Variants in TGFBR3 observed in about 807,000 individuals in gnomAD.
TGFBR3 encodes transforming growth factor beta receptor type 3.
Under a neutral mutation model 87.9 loss-of-function variants are expected in TGFBR3, and 46 were observed. The ratio of observed to expected loss-of-function variants is 0.52; its 90% CI spans 0.41 to 0.67. The LOEUF (loss-of-function observed/expected upper bound fraction) is 0.67. Among genes scored for constraint, TGFBR3 ranks in the 30% least tolerant of loss-of-function variants. TGFBR3 has a pLI of 0.00. For missense variants in TGFBR3, 866 were observed against 1,041.9 expected, an observed-to-expected ratio of 0.83 and a Z score of 2.32; for synonymous variants, 381 against 391.6, an observed-to-expected ratio of 0.97 and a Z score of 0.32.
At chr1:91,777,048 A>G (rs1674590539) in intron 3 of TGFBR3, among the ~76,000 whole-genome samples, 1 of 152,140 alleles carries the variant, frequency 6.6e-6, no homozygotes. Flanking sequence ...CAAAAACTCA[A>G]TCACCTGTGC....
At chr1:91,902,952 A>G (rs1679764154) in intron 1 of TGFBR3, among the ~76,000 whole-genome samples, 3 of 151,644 alleles carry the variant, frequency 2.0e-5, no homozygotes, top group Admixed American at 6.6e-5. Flanking sequence ...GATCTTCTAA[A>G]ACCACTGGGT....
chr1:91,700,031 A>C (rs1240726744), intron 14 of TGFBR3, among the ~76,000 whole-genome samples: 1 of 152,194 alleles, frequency 6.6e-6, no homozygotes, highest in Non-Finnish European at 1.5e-5. Flanking sequence ...ATTCAAATTG[A>C]CTCCATAAAT....
chr1:91,702,138 C>T (rs1671640610), intron 14 of TGFBR3, among the ~76,000 whole-genome samples: 2 of 152,206 alleles, frequency 1.3e-5, no homozygotes, highest in East Asian at 3.9e-4. Flanking sequence ...ACAGGCAGCC[C>T]CCCAACTACA....
intron 2 of TGFBR3, among the ~76,000 whole-genome samples, chr1:91,842,299 G>C (rs908792152): frequency 1.3e-5 from 2 of 152,148 alleles, no homozygotes; most frequent in African/African-American, 4.8e-5. Context: ...AGGAGTTTCT[G>C]TGGTTAGAGA....
At chr1:91,804,317 C>T (rs867056925) in intron 2 of TGFBR3, among the ~76,000 whole-genome samples, 3 of 152,144 alleles carry the variant, frequency 2.0e-5, no homozygotes, top group Non-Finnish European at 2.9e-5. Flanking sequence ...CTTCTCTTCC[C>T]GGACACTCTT....
intron 13 of TGFBR3, among the ~76,000 whole-genome samples, chr1:91,709,700 C>T (rs1222061992): frequency 1.3e-5 from 2 of 152,204 alleles, no homozygotes; most frequent in Non-Finnish European, 2.9e-5. Context: ...AATATGATCA[C>T]ACTCCGCACT....
chr1:91,753,389 T>TAAA (rs1673623637), intron 4 of TGFBR3, among the ~76,000 whole-genome samples: 1 of 22,904 alleles, frequency 4.4e-5, no homozygotes, highest in Non-Finnish European at 7.1e-5. Flanking sequence ...GACTCTGTCC[T>TAAA]CAAAAAAAAA....
At chr1:91,854,476 G>C (rs1677862040) in intron 2 of TGFBR3, among the ~76,000 whole-genome samples, 3 of 152,126 alleles carry the variant, frequency 2.0e-5, no homozygotes, top group Admixed American at 1.3e-4. Flanking sequence ...CCAGCTTGGA[G>C]CTGCCAAAGA....
intron 3 of TGFBR3, among the ~76,000 whole-genome samples, chr1:91,793,907 T>C (rs987116458): frequency 6.6e-6 from 1 of 151,754 alleles, no homozygotes; most frequent in African/African-American, 2.4e-5. Context: ...ATTTTTAGCA[T>C]AGACCATATC....
chr1:91,788,298 G>A (rs945237272), intron 3 of TGFBR3, among the ~76,000 whole-genome samples: 2 of 152,160 alleles, frequency 1.3e-5, no homozygotes, highest in African/African-American at 4.8e-5. Flanking sequence ...TTGTTCAAAG[G>A]GGCATCATCA....
intron 2 of TGFBR3, among the ~76,000 whole-genome samples, chr1:91,897,266 T>C (rs908089132): frequency 6.6e-6 from 1 of 152,210 alleles, no homozygotes; most frequent in Non-Finnish European, 1.5e-5. Context: ...TGGGTATTTA[T>C]GTGGCAAAGG....
chr1:91,748,155 C>G (rs1270166290), intron 4 of TGFBR3, among the ~76,000 whole-genome samples: 1 of 152,192 alleles, frequency 6.6e-6, no homozygotes, highest in Non-Finnish European at 1.5e-5. Context: ...CCCGAAATAA[C>G]TGTGGTTGGA....
At position 91,683,851 on chromosome 1, in the gene TGFBR3, G is replaced by A; in HGVS notation, c.2444C>T (p.Thr815Ile). 1 of 1,600,238 alleles carries A rather than the reference G, an allele frequency of 6.2e-7. No individual in the cohort carries two copies. The highest frequency in any genetic ancestry group is 8.5e-7 in the Non-Finnish European group (1 of 1,173,250). Residue 815 changes from threonine (T) to isoleucine (I), a missense_variant, in exon 17 of 17, where the codon ACA (threonine) becomes ATA (isoleucine). By Grantham distance (89) the Thr-to-Ile change is moderately conservative. Coordinates refer to ENST00000212355, the MANE Select transcript of TGFBR3 (RefSeq NM_003243.5). ...GGTGGGGACTTGCTGCCTTCCTGCTGTCTCCCCTGCAGTTAATAAAGAAAA... is the reference window on the plus strand; with the variant it reads ...GGTGGGGACTTGCTGCCTTCCTGCTATCTCCCCTGCAGTTAATAAAGAAAA... ...LWYIYSHTGETAGRQQVPTSP... is the reference protein window; with the variant it reads ...LWYIYSHTGEIAGRQQVPTSP...
chr1:91,709,081 CAG>C (rs1358512698), intron 13 of TGFBR3, among the ~76,000 whole-genome samples: 1 of 152,104 alleles, frequency 6.6e-6, no homozygotes, highest in East Asian at 1.9e-4. Flanking sequence ...GTTTGAAAAA[CAG>C]AAAAACTATA....
intron 4 of TGFBR3, among the ~76,000 whole-genome samples, chr1:91,742,813 G>A (rs1673202098): frequency 6.6e-6 from 1 of 152,044 alleles, no homozygotes; most frequent in Non-Finnish European, 1.5e-5. Context: ...CTTGAACCAT[G>A]CACAACATTT....
chr1:91,726,323 G>A (rs986090337), intron 7 of TGFBR3, among the ~76,000 whole-genome samples: 1 of 152,072 alleles, frequency 6.6e-6, no homozygotes. Flanking sequence ...TCCTGTTTTT[G>A]TTATTCTGAA....
At position 91,728,305 on chromosome 1, in the gene TGFBR3, A is replaced by G. The variant is rs17881531; in HGVS notation, c.738-499T>C. 2.9e-3 allele frequency among the ~76,000 whole-genome samples: 438 copies of G among 152,282 alleles called. 2 individuals are homozygous for G. The highest frequency in any genetic ancestry group is 9.4e-3 in the African/African-American group (392 of 41,554). On this transcript the variant is annotated intron_variant, in intron 6 of 16. Transcript: ENST00000212355. ...AGGAAACTTCAGAGTAAAATAAGAG[A>G]CAAAAGGCTAAAGAATTTCTTGATT...
chr1:91,680,637 A>G lies in TGFBR3; in HGVS notation c.*3102T>C, dbSNP rs1349392384. Reference sequence around the variant, plus strand: ...AGAAAAACATCTGTCAGTTTCATGAACAACCCCCAGATAAAACAAACATGA... The same window carrying G: ...AGAAAAACATCTGTCAGTTTCATGAGCAACCCCCAGATAAAACAAACATGA... On this transcript the variant is annotated 3_prime_UTR_variant, in exon 17 of 17. Coordinates refer to ENST00000212355, the MANE Select transcript of TGFBR3 (RefSeq NM_003243.5). 6.6e-6 allele frequency: 3 copies of G among 454,094 alleles called. No homozygotes were observed. The highest frequency in any genetic ancestry group is 1.3e-5 in the Non-Finnish European group (3 of 226,798). The allele number at this position is 454,094 out of a possible 1,614,324, so 28.1% of individuals were successfully genotyped here. A position where few individuals can be genotyped will look rare whatever the true frequency, so the allele number is the denominator to read the frequency against.
chr1:91,717,881 T>A (rs1056372526), intron 10 of TGFBR3, among the ~76,000 whole-genome samples: 7 of 151,826 alleles, frequency 4.6e-5, no homozygotes, highest in African/African-American at 1.7e-4. Flanking sequence ...TGACTTTTTT[T>A]TTTTTTTATT....
Sources: allele counts gnomAD v4.1 joint callset (sites outside exome capture counted in the v4.1 genomes callset), GRCh38; gene constraint gnomAD v4.1.1; transcripts MANE v1.5; gene names NCBI Gene and HGNC (gene_info 2026-07-23, HGNC 2026-07-21).